The following STAC variants were observed in gnomAD, a reference collection of about 807,000 sequenced individuals.
STAC encodes SH3 and cysteine-rich domain-containing protein.
A neutral mutation model predicts 48.8 loss-of-function variants in STAC; 43 were observed. The ratio of observed to expected loss-of-function variants is 0.88; its 90% CI spans 0.69 to 1.14. The LOEUF is 1.14. Ranked by LOEUF, STAC falls within the 50% of genes most tolerant of loss-of-function variation. The probability of loss-of-function intolerance (pLI) is 0.00; values close to 1 mark genes in which losing one functional copy is unlikely to be tolerated. For synonymous variants in STAC, 193 were observed against 179.5 expected, an observed-to-expected ratio of 1.07 and a Z score of -0.60; for missense variants, 497 against 504.0, an observed-to-expected ratio of 0.99 and a Z score of 0.13.
chr3:36,437,999 T>C (rs1176591663), intron 1 of STAC, among the ~76,000 whole-genome samples: 3 of 150,736 alleles, frequency 2.0e-5, no homozygotes, highest in Non-Finnish European at 4.4e-5. Context: ...AGTGCAATGG[T>C]GTGATCTTGG....
intron 1 of STAC, among the ~76,000 whole-genome samples, chr3:36,394,504 T>G (rs950158183): frequency 6.6e-6 from 1 of 152,186 alleles, no homozygotes; most frequent in African/African-American, 2.4e-5. Context: ...CTGTATGCAG[T>G]GGGACTACAG....
chr3:36,452,979 C>G (rs779388571), intron 2 of STAC, among the ~76,000 whole-genome samples: 14 of 152,214 alleles, frequency 9.2e-5, no homozygotes, highest in Non-Finnish European at 1.9e-4. Flanking sequence ...GACCCCTATC[C>G]AGGTGATCAG....
intron 8 of STAC, among the ~76,000 whole-genome samples, chr3:36,518,485 A>G (rs1698726888): frequency 6.6e-6 from 1 of 152,210 alleles, no homozygotes; most frequent in African/African-American, 2.4e-5. Flanking sequence ...TTTCAGTATT[A>G]TTAAATCCTA....
At position 36,443,599 on chromosome 3, in the gene STAC, A is replaced by C. The variant is rs1378173050; in HGVS notation, c.347A>C (p.Lys116Thr). 6.2e-7 allele frequency: 1 copy of C among 1,613,812 alleles called. No individual in the cohort carries two copies. Among genetic ancestry groups the C allele is most frequent in the Non-Finnish European group, 8.5e-7 (1 of 1,180,040 alleles). ...KAHAFQEYIF[K>T]KPTFCDVCNH... ...CATGCCTTTCAGGAATACATCTTCA[A>C]GAAGCCCACTTTCTGTGATGTCTGC... Residue 116 changes from lysine to threonine, a missense_variant, in exon 2 of 11, where the codon AAG becomes ACG. Physicochemically the swap from Lys to Thr is moderately conservative, Grantham distance 78. Coordinates refer to ENST00000273183, the MANE Select transcript of STAC (RefSeq NM_003149.3). The surrounding 1 kb of genome is among the most constrained non-coding windows in gnomAD (Gnocchi z 4.2).
At chr3:36,536,935 A>G (rs1699212306) in intron 10 of STAC, among the ~76,000 whole-genome samples, 1 of 152,166 alleles carries the variant, frequency 6.6e-6, no homozygotes, top group African/African-American at 2.4e-5. Flanking sequence ...TGGCCAGCAA[A>G]CATATGAAGA....
chr3:36,528,085 G>C (rs1698979243), intron 8 of STAC, among the ~76,000 whole-genome samples: 1 of 152,182 alleles, frequency 6.6e-6, no homozygotes. Context: ...ACACACAGGG[G>C]ACGGGAGGTA....
chr3:36,390,814 A>T (rs1699739159), intron 1 of STAC, among the ~76,000 whole-genome samples: 1 of 152,090 alleles, frequency 6.6e-6, no homozygotes. Context: ...TTGAATGTTT[A>T]AAAAAATGCC....
intron 1 of STAC, among the ~76,000 whole-genome samples, chr3:36,400,443 G>A (rs1283402198): frequency 1.3e-5 from 2 of 152,134 alleles, no homozygotes; most frequent in Admixed American, 6.5e-5. Flanking sequence ...GGGAACTGAG[G>A]CTCACAGAGC....
intron 1 of STAC, among the ~76,000 whole-genome samples, chr3:36,390,287 T>C (rs909762403): frequency 6.6e-6 from 1 of 152,108 alleles, no homozygotes; most frequent in Non-Finnish European, 1.5e-5. Context: ...TCTACACAAA[T>C]TCCAGACATC....
chr3:36,468,998 C>A (rs1235898437), intron 2 of STAC, among the ~76,000 whole-genome samples: 1 of 152,004 alleles, frequency 6.6e-6, no homozygotes, highest in Non-Finnish European at 1.5e-5. Context: ...TTAGCTGAGT[C>A]TCCTGAAGAC....
chr3:36,455,406 G>A (rs1041910275), intron 2 of STAC, among the ~76,000 whole-genome samples: 7 of 152,330 alleles, frequency 4.6e-5, no homozygotes, highest in African/African-American at 1.7e-4. Flanking sequence ...TTTCCTGCCT[G>A]TGATATTGCT....
At chr3:36,409,517 G>C (rs528412718) in intron 1 of STAC, 1 of 152,302 alleles carries the variant, frequency 6.6e-6, no homozygotes, top group African/African-American at 2.4e-5. Context: ...TGGATGACGT[G>C]AACTGAGTGG....
intron 1 of STAC, among the ~76,000 whole-genome samples, chr3:36,390,460 T>TTTTTTTTTTTTTTTTTTTTTG (rs1699729758): frequency 6.8e-6 from 1 of 147,140 alleles, no homozygotes; most frequent in Non-Finnish European, 1.5e-5. Context: ...TCTTTTTTTT[T>TTTTTTTTTTTTTTTTTTTTTG]TTTTTTTTTT....
chr3:36,403,387 GA>G (rs1228415345), intron 1 of STAC, among the ~76,000 whole-genome samples: 1 of 150,558 alleles, frequency 6.6e-6, no homozygotes, highest in Admixed American at 6.6e-5. Context: ...TCTCCACTGG[GA>G]AAAAAACAGT....
rs553689450 is a variant in STAC at position 36,476,103 on chromosome 3, C to G, written c.389-6889C>G. ...TCCATAGAATTAAAGGGGCGAAGCC[C>G]CAGTATTCTCTTGGCCTGGACATTT... On this transcript the variant is annotated intron_variant, in intron 2 of 10. Transcript: ENST00000273183. Among the ~76,000 whole-genome samples, 788 of 152,348 alleles carry G rather than the reference C, an allele frequency of 5.2e-3. 6 individuals carry two copies. The highest frequency in any genetic ancestry group is 7.2e-3 in the Non-Finnish European group (493 of 68,036).
At chr3:36,523,050 T>C (rs890017134) in intron 8 of STAC, among the ~76,000 whole-genome samples, 23 of 152,130 alleles carry the variant, frequency 1.5e-4, no homozygotes, top group African/African-American at 5.6e-4. Context: ...TATGAAAAAC[T>C]GAGAAATAAG....
chr3:36,398,348 A>C (rs531162797), intron 1 of STAC, among the ~76,000 whole-genome samples: 34 of 138,124 alleles, frequency 2.5e-4, no homozygotes, highest in African/African-American at 7.3e-4. Context: ...AGAAAGAAAG[A>C]AAGAAAGAAA....
Position 36,443,519 on chromosome 3 carries a change from AG to A in STAC, c.269del (p.Gly90GlufsTer3). ...CCAGCTCCAGCCCACTCCCTGCTCC[AG>A]GAAGCCTGACGTCCACACCCGCCAG... ...SPSSSPLPAP[G>X]SLTSTPARAG... On this transcript the variant is annotated frameshift_variant, in exon 2 of 11. Coordinates refer to ENST00000273183, the MANE Select transcript of STAC (RefSeq NM_003149.3). LOFTEE classifies it high-confidence loss of function. This position sits in a 1 kb window ranked among gnomAD's most constrained non-coding sequence, Gnocchi z 4.2. 1 of 1,614,222 alleles carries A rather than the reference AG, an allele frequency of 6.2e-7. No individual in the cohort carries two copies. The highest frequency in any genetic ancestry group is 1.1e-5 in the South Asian group (1 of 91,084).
intron 10 of STAC, among the ~76,000 whole-genome samples, chr3:36,538,141 C>A (rs539319161): frequency 1.3e-5 from 2 of 152,162 alleles, no homozygotes; most frequent in South Asian, 2.1e-4. Context: ...ATTTTGATAT[C>A]ATATCCTCTT....
Sources: gnomAD v4.1 joint callset for allele counts (sites outside exome capture counted in the v4.1 genomes callset) on GRCh38, gnomAD v4.1.1 for gene constraint, Gnocchi (gnomAD v3.1) non-coding constraint, MANE v1.5 for transcripts, NCBI Gene and HGNC (gene_info 2026-07-23, HGNC 2026-07-21) for gene names.